Variants in GALK2 observed in about 807,000 individuals in gnomAD.
GALK2 encodes galactokinase 2, also known as N-acetylgalactosamine kinase.
In GALK2, 36 loss-of-function variants were observed where a neutral mutation model predicts 52.4. The observed-to-expected ratio is 0.69, with a 90% CI of 0.53 to 0.91. GALK2 has a LOEUF of 0.91. Ranked by LOEUF, GALK2 falls within the 40% of genes least tolerant of loss-of-function variation. The pLI, the probability that GALK2 is intolerant of heterozygous loss-of-function variation, is 0.00. For missense variants in GALK2, 579 were observed against 559.1 expected, an observed-to-expected ratio of 1.04 and a Z score of -0.36; for synonymous variants, 176 against 199.1, an observed-to-expected ratio of 0.88 and a Z score of 0.98.
intron 1 of GALK2, among the ~76,000 whole-genome samples, chr15:49,189,474 G>A (rs612803): frequency 0.59 from 89,120 of 151,898 alleles, 26,305 homozygotes; most frequent in Admixed American, 0.66. Context: ...TCCTATATAT[G>A]CTATTTGCTT....
At chr15:49,299,091 A>G (rs1320057226) in intron 8 of GALK2, among the ~76,000 whole-genome samples, 1 of 151,734 alleles carries the variant, frequency 6.6e-6, no homozygotes, top group Non-Finnish European at 1.5e-5. Flanking sequence ...AGAACTTTTT[A>G]TTTGTCTGTT....
chr15:49,174,988 G>GTTTGGGTT (rs1465716018), intron 1 of GALK2, among the ~76,000 whole-genome samples: 5 of 152,184 alleles, frequency 3.3e-5, no homozygotes, highest in Non-Finnish European at 7.4e-5. Context: ...GGAAGAGGAA[G>GTTTGGGTT]TTTGGGTTTT....
At chr15:49,225,970 G>A (rs2090110054) in intron 3 of GALK2, among the ~76,000 whole-genome samples, 1 of 152,236 alleles carries the variant, frequency 6.6e-6, no homozygotes, top group African/African-American at 2.4e-5. Flanking sequence ...GGCCTTGGAA[G>A]GGGCTGGTGG....
intron 1 of GALK2, among the ~76,000 whole-genome samples, chr15:49,174,845 T>C (rs973783440): frequency 1.1e-4 from 17 of 152,210 alleles, no homozygotes; most frequent in Non-Finnish European, 1.5e-4. Flanking sequence ...TCTTCACCCT[T>C]ATTTTAATAT....
intron 1 of GALK2, among the ~76,000 whole-genome samples, chr15:49,159,178 C>T (rs11632211): frequency 0.19 from 28,595 of 152,014 alleles, 2,837 homozygotes; most frequent in South Asian, 0.21. Context: ...TGAATGTACC[C>T]GTGCACCATA....
intron 9 of GALK2, among the ~76,000 whole-genome samples, chr15:49,324,533 G>A (rs1006568933): frequency 1.3e-5 from 2 of 152,032 alleles, no homozygotes; most frequent in African/African-American, 4.8e-5. Context: ...GCCTTTAAGT[G>A]GCTTACATTT....
chr15:49,256,989 C>T (rs1307198330), intron 5 of GALK2, among the ~76,000 whole-genome samples: 4 of 152,084 alleles, frequency 2.6e-5, no homozygotes, highest in Admixed American at 2.0e-4. Context: ...ATCAATTTTA[C>T]AATTTGGTTT....
chr15:49,367,572 C>A (rs1214217788), exon 4 of GALK2: 1 of 1,600,474 alleles, frequency 6.2e-7, no homozygotes, highest in South Asian at 1.1e-5. Flanking sequence ...TTGAAGAGAA[C>A]ACGATTAAAC....
downstream of GALK2, among the ~76,000 whole-genome samples, chr15:49,333,853 T>G (rs1596239952): frequency 6.6e-6 from 1 of 152,300 alleles, no homozygotes; most frequent in East Asian, 1.9e-4. Context: ...TGAGCCCAAT[T>G]TTTCTTGCTT....
intron 3 of GALK2, among the ~76,000 whole-genome samples, chr15:49,228,687 ATTTTTTT>A (rs1174406561): frequency 7.0e-5 from 1 of 14,272 alleles, no homozygotes; most frequent in Non-Finnish European, 1.2e-4. Context: ...ATATATATAT[ATTTTTTT>A]TTTTTTTTTT....
At chr15:49,218,093 A>G (rs1307457066) in intron 3 of GALK2, among the ~76,000 whole-genome samples, 4 of 152,176 alleles carry the variant, frequency 2.6e-5, no homozygotes, top group Admixed American at 6.5e-5. Flanking sequence ...TGTATTTGGC[A>G]TATTATATGT....
At chr15:49,322,527 A>T (rs1208895445) in intron 9 of GALK2, among the ~76,000 whole-genome samples, 1 of 152,198 alleles carries the variant, frequency 6.6e-6, no homozygotes, top group Non-Finnish European at 1.5e-5. Context: ...TGGCAGAGCA[A>T]CCTCAGAGGA....
In GALK2 at chr15:49,198,588, C is replaced by T. The variant is rs995824634; in HGVS notation, c.54-2574C>T. ...TGTTTAATAATATCCTTGTATATGCCTGTACTATAACTTAAAAAAAATCAT... is the reference window on the plus strand; with the variant it reads ...TGTTTAATAATATCCTTGTATATGCTTGTACTATAACTTAAAAAAAATCAT... On this transcript the variant is annotated intron_variant, in intron 1 of 9. Coordinates refer to ENST00000560031, the MANE Select transcript of GALK2 (RefSeq NM_002044.4). Among the ~76,000 whole-genome samples, 8 of 152,034 alleles carry T rather than the reference C, an allele frequency of 5.3e-5. No individual in the cohort carries two copies. In the South Asian group the frequency reaches 1.5e-3, roughly 28 times the overall value.
chr15:49,290,044 C>T (rs1401649547), intron 7 of GALK2, among the ~76,000 whole-genome samples: 1 of 152,156 alleles, frequency 6.6e-6, no homozygotes, highest in Admixed American at 6.6e-5. Flanking sequence ...TTTCCCCACC[C>T]TACTACTGAG....
intron 3 of GALK2, among the ~76,000 whole-genome samples, chr15:49,354,583 C>G (rs967198181): frequency 6.6e-6 from 1 of 152,212 alleles, no homozygotes; most frequent in African/African-American, 2.4e-5. Context: ...CCGCACCTGG[C>G]TGGAAGGGTC....
At chr15:49,355,089 T>C (rs370674929) in intron 3 of GALK2, among the ~76,000 whole-genome samples, 3 of 150,592 alleles carry the variant, frequency 2.0e-5, no homozygotes, top group African/African-American at 7.4e-5. Context: ...AACCCATCTG[T>C]ACATCACCAT....
downstream of GALK2, among the ~76,000 whole-genome samples, chr15:49,336,572 C>G (rs1161189894): frequency 3.3e-5 from 5 of 152,192 alleles, no homozygotes; most frequent in Non-Finnish European, 5.9e-5. Context: ...ATAGTTTGCC[C>G]ATTTTTAGAA....
At chr15:49,272,966 C>G (rs926225206) in intron 5 of GALK2, among the ~76,000 whole-genome samples, 16 of 152,202 alleles carry the variant, frequency 1.1e-4, no homozygotes, top group African/African-American at 3.9e-4. Context: ...CACTGGAAGA[C>G]TGTGCTTCTG....
At chr15:49,295,606 G>C (rs1157211021) in intron 8 of GALK2, among the ~76,000 whole-genome samples, 4 of 152,106 alleles carry the variant, frequency 2.6e-5, no homozygotes, top group Non-Finnish European at 5.9e-5. Flanking sequence ...AGCTCTTCTA[G>C]TCCTGTCTTA....
Sources: gnomAD v4.1 joint callset for allele counts (sites outside exome capture counted in the v4.1 genomes callset) on GRCh38, gnomAD v4.1.1 for gene constraint, MANE v1.5 for transcripts, NCBI Gene and HGNC (gene_info 2026-07-23, HGNC 2026-07-21) for gene names.